The following LMBRD1 variants were observed in gnomAD, a reference collection of about 807,000 sequenced individuals.
LMBRD1 encodes the protein lysosomal cobalamin transport escort protein LMBD1.
In LMBRD1, 64 loss-of-function variants were observed where a neutral mutation model predicts 74.8. The observed-to-expected ratio is 0.86, with a 90% CI of 0.70 to 1.05. LMBRD1 has a LOEUF of 1.05. Among genes scored for constraint, LMBRD1 ranks in the 50% least tolerant of loss-of-function variants. LMBRD1 has a pLI of 0.00. For missense variants in LMBRD1, 652 were observed against 645.9 expected, an observed-to-expected ratio of 1.01 and a Z score of -0.10; for synonymous variants, 204 against 216.3, an observed-to-expected ratio of 0.94 and a Z score of 0.50.
chr6:69,730,567 A>G (rs779970387), intron 7 of LMBRD1, among the ~76,000 whole-genome samples: 3 of 152,160 alleles, frequency 2.0e-5, no homozygotes, highest in Non-Finnish European at 2.9e-5. Context: ...AGTTGTCGCT[A>G]CATGCACATT....
At chr6:69,787,491 TC>T (rs1398005592) in intron 2 of LMBRD1, among the ~76,000 whole-genome samples, 1 of 152,176 alleles carries the variant, frequency 6.6e-6, no homozygotes, top group Non-Finnish European at 1.5e-5. Flanking sequence ...ATGGCTGTAA[TC>T]CCAGCACTTT....
chr6:69,781,376 T>C (rs1292682633), intron 2 of LMBRD1, among the ~76,000 whole-genome samples: 1 of 152,164 alleles, frequency 6.6e-6, no homozygotes, highest in Non-Finnish European at 1.5e-5. Flanking sequence ...ATCACTGCTA[T>C]TAAGTATAAA....
intron 9 of LMBRD1, among the ~76,000 whole-genome samples, chr6:69,712,393 A>G (rs113369250): frequency 6.8e-4 from 104 of 152,254 alleles, no homozygotes; most frequent in African/African-American, 2.5e-3. Context: ...ACTTTCAGAA[A>G]CATAATCTAA....
At position 69,728,787 on chromosome 6, in the gene LMBRD1, A is replaced by C. The variant is rs1284292782; in HGVS notation, c.636+9155T>G. 2.0e-5 allele frequency among the ~76,000 whole-genome samples: 3 copies of C among 152,180 alleles called. No individual in the cohort carries two copies. The East Asian group carries it at 5.8e-4, about 29-fold the overall frequency. On this transcript the variant is annotated intron_variant, in intron 7 of 15. Transcript: ENST00000649934. ...ATTCCTCTAATTAACATCCTTTAAGATTCTACAGGACTAATAAATGTATTT... is the reference window on the plus strand; with the variant it reads ...ATTCCTCTAATTAACATCCTTTAAGCTTCTACAGGACTAATAAATGTATTT...
intron 2 of LMBRD1, among the ~76,000 whole-genome samples, chr6:69,781,314 A>G (rs1439317726): frequency 6.6e-6 from 1 of 152,148 alleles, no homozygotes; most frequent in Non-Finnish European, 1.5e-5. Context: ...TTTGGCCTAT[A>G]CTCTAAATTC....
rs1375196305 is a variant in LMBRD1, at chr6:69,675,162, T to A, written c.*996A>T. Among the ~76,000 whole-genome samples, 1 of 152,136 alleles carries A rather than the reference T, an allele frequency of 6.6e-6. No individual in the cohort carries two copies. The highest frequency in any genetic ancestry group is 1.5e-5 in the Non-Finnish European group (1 of 68,020). On this transcript the variant is annotated 3_prime_UTR_variant, in exon 16 of 16. Coordinates refer to ENST00000649934, the MANE Select transcript of LMBRD1 (RefSeq NM_018368.4). ...AGGGAGAGAATAATTAACTTAGATATAGTTGTTAATTCCTAAACTTTTTTT... is the reference window on the plus strand; with the variant it reads ...AGGGAGAGAATAATTAACTTAGATAAAGTTGTTAATTCCTAAACTTTTTTT...
intron 14 of LMBRD1, among the ~76,000 whole-genome samples, chr6:69,677,268 C>T (rs6455339): frequency 0.36 from 55,031 of 151,992 alleles, 10,554 homozygotes; most frequent in East Asian, 0.54. Flanking sequence ...TCTTTCTACA[C>T]AGCATCCCCT....
chr6:69,739,152 T>C (rs1274272534), intron 6 of LMBRD1, among the ~76,000 whole-genome samples: 1 of 152,148 alleles, frequency 6.6e-6, no homozygotes, highest in Non-Finnish European at 1.5e-5. Flanking sequence ...GTACTATCAC[T>C]TGTAAAATGT....
At chr6:69,731,825 G>A (rs181920196) in intron 7 of LMBRD1, among the ~76,000 whole-genome samples, 250 of 151,790 alleles carry the variant, frequency 1.6e-3, no homozygotes, top group Admixed American at 0.01. Flanking sequence ...CATCTGTGTC[G>A]TATAGTAAAA....
chr6:69,796,721 G>T, intron 1 of LMBRD1, 92 bp downstream of exon 1: 2 of 1,178,058 alleles, frequency 1.7e-6, no homozygotes, highest in South Asian at 2.6e-5. Context: ...GGCGAAGAGG[G>T]TCTCCGGGGC....
At chr6:69,729,563 A>C (rs184725040) in intron 7 of LMBRD1, among the ~76,000 whole-genome samples, 18 of 152,200 alleles carry the variant, frequency 1.2e-4, no homozygotes, top group Admixed American at 1.1e-3. Flanking sequence ...TTGACCAATA[A>C]GCTTTTAGGA....
In LMBRD1 at chr6:69,676,138, A is replaced by T; in HGVS notation, c.*20T>A. 2.5e-6 allele frequency: 4 copies of T among 1,575,278 alleles called. No individual in the cohort carries two copies. On this transcript the variant is annotated 3_prime_UTR_variant, in exon 16 of 16. Transcript: ENST00000649934. ...ACAGATATTCAGTCAGCATTATAAAACCTTTAAGACAGAAGGCTGTCAAGC... is the reference window on the plus strand; with the variant it reads ...ACAGATATTCAGTCAGCATTATAAATCCTTTAAGACAGAAGGCTGTCAAGC...
At chr6:69,721,944 G>T (rs567450414) in intron 7 of LMBRD1, among the ~76,000 whole-genome samples, 1 of 152,114 alleles carries the variant, frequency 6.6e-6, no homozygotes, top group East Asian at 1.9e-4. Context: ...GAACAGTGTC[G>T]ATGGTGGCCA....
chr6:69,782,412 G>T (rs1287532707), intron 2 of LMBRD1, among the ~76,000 whole-genome samples: 1 of 152,194 alleles, frequency 6.6e-6, no homozygotes, highest in Non-Finnish European at 1.5e-5. Context: ...TGGCACCCAA[G>T]TCCAAGGTGT....
At chr6:69,738,272 T>A (rs1767018487) in intron 6 of LMBRD1, among the ~76,000 whole-genome samples, 1 of 152,084 alleles carries the variant, frequency 6.6e-6, no homozygotes, top group African/African-American at 2.4e-5. Context: ...AGAGGAAAAT[T>A]ACTGGCTAAT....
chr6:69,765,066 G>C (rs974108302), intron 3 of LMBRD1, among the ~76,000 whole-genome samples: 1 of 151,802 alleles, frequency 6.6e-6, no homozygotes, highest in Admixed American at 6.6e-5. Flanking sequence ...ACATAGCTGA[G>C]ATTACAGGAG....
intron 5 of LMBRD1, among the ~76,000 whole-genome samples, chr6:69,748,064 T>A (rs1223957405): frequency 6.6e-6 from 1 of 152,240 alleles, no homozygotes; most frequent in Non-Finnish European, 1.5e-5. Context: ...TTCTCACTCA[T>A]GTTCTAAAAT....
intron 14 of LMBRD1, among the ~76,000 whole-genome samples, chr6:69,686,717 T>C (rs1275008869): frequency 6.6e-6 from 1 of 152,144 alleles, no homozygotes; most frequent in African/African-American, 2.4e-5. Context: ...ACTACCACCA[T>C]AAGCTCTCCC....
Position 69,796,900 on chromosome 6 carries a change from C to G in LMBRD1, c.-19G>C. ...TCGCCATCTTCGCTTCCGGTCCAGA[C>G]CAACCTGAGCGCCCGGGGTGGGGAA... On this transcript the variant is annotated 5_prime_UTR_variant, in exon 1 of 16. Transcript: ENST00000649934. 1 of 1,613,156 alleles carries G rather than the reference C, an allele frequency of 6.2e-7. No homozygotes were observed. The highest frequency in any genetic ancestry group is 1.1e-5 in the South Asian group (1 of 90,984).
Sources: allele counts gnomAD v4.1 joint callset (sites outside exome capture counted in the v4.1 genomes callset), GRCh38; gene constraint gnomAD v4.1.1; transcripts MANE v1.5; gene names NCBI Gene and HGNC (gene_info 2026-07-23, HGNC 2026-07-21).